Variants in SLF1 observed in about 807,000 individuals in gnomAD.
The protein encoded by SLF1 is SMC5-SMC6 complex localization factor protein 1.
SLF1 carries 105 observed loss-of-function variants against 123.0 expected under a neutral mutation model. The ratio of observed to expected loss-of-function variants is 0.85; its 90% confidence interval spans 0.73 to 1.00. The LOEUF is 1.00. Among genes scored for constraint, SLF1 ranks in the 50% least tolerant of loss-of-function variants. The pLI is 0.00. For missense variants in SLF1, 1,239 were observed against 1,223.0 expected (o/e 1.01, Z -0.20); for synonymous variants, 434 against 406.6 (o/e 1.07, Z -0.81).
intron 20 of SLF1, among the ~76,000 whole-genome samples, chr5:94,694,606 G>A (rs745732653): frequency 1.1e-4 from 16 of 151,548 alleles, no homozygotes; most frequent in Admixed American, 1.3e-4. Flanking sequence ...TTTATTTAAC[G>A]GAGGCATGCA....
chr5:94,630,345 C>G (rs1197451449), intron 3 of SLF1, among the ~76,000 whole-genome samples, 158 bp from the exon 4 acceptor site: 10 of 152,128 alleles, frequency 6.6e-5, no homozygotes. Flanking sequence ...CTCTTACTAT[C>G]AGAAAATTTC....
intron 16 of SLF1, 106 bp from the exon 17 acceptor site, chr5:94,688,400 G>T (rs1157930059): frequency 8.4e-7 from 1 of 1,192,578 alleles, no homozygotes; most frequent in African/African-American, 1.5e-5. Flanking sequence ...CCATAGTGAT[G>T]CAACCAAGAA....
intron 5 of SLF1, among the ~76,000 whole-genome samples, chr5:94,646,041 A>C (rs549441859): frequency 2.0e-5 from 3 of 152,180 alleles, no homozygotes; most frequent in Non-Finnish European, 1.5e-5. Context: ...ACTTGAGGCT[A>C]GGAGTTTGAG....
chr5:94,626,824 T>C (rs1047037860), intron 1 of SLF1, among the ~76,000 whole-genome samples: 1 of 152,158 alleles, frequency 6.6e-6, no homozygotes. Flanking sequence ...AATATGCAGA[T>C]ACACTGAGCA....
At chr5:94,660,747 G>A (rs775083016) in intron 9 of SLF1, among the ~76,000 whole-genome samples, 2 of 152,202 alleles carry the variant, frequency 1.3e-5, no homozygotes, top group African/African-American at 2.4e-5. Context: ...AGTGCATGAC[G>A]ACGCTGGTGC....
chr5:94,647,726 A>G lies in SLF1; in HGVS notation c.595-1728A>G, dbSNP rs138830345. Among the ~76,000 whole-genome samples the G allele has an allele frequency of 6.3e-4, 95 of 151,734 alleles. 1 individual carries two copies. In the East Asian group the frequency reaches 0.01, roughly 17 times the overall value. On this transcript the variant is annotated intron_variant, in intron 5 of 20. Coordinates refer to ENST00000265140, the MANE Select transcript of SLF1 (RefSeq NM_032290.4). ...GTTAAATAATTTCTCTATATTTCAT[A>G]AGAGTCACCAATTAGACAAAGTATT...
At chr5:94,620,114 A>G (rs1791590221) in intron 1 of SLF1, 1 of 152,300 alleles carries the variant, frequency 6.6e-6, no homozygotes, top group Admixed American at 6.5e-5. Context: ...TCCTGATCTC[A>G]AGTGTTCCGC....
chr5:94,684,578 G>A (rs1272201593), intron 15 of SLF1, among the ~76,000 whole-genome samples: 1 of 151,368 alleles, frequency 6.6e-6, no homozygotes, highest in Non-Finnish European at 1.5e-5. Context: ...AGCACCTCTA[G>A]TCCCAGCTAC....
chr5:94,685,589 G>A lies in SLF1; in HGVS notation c.1976-984G>A, dbSNP rs561671571. Among the ~76,000 whole-genome samples the A allele has an allele frequency of 2.6e-5, 4 of 152,076 alleles. No individual in the cohort carries two copies. The South Asian group carries it at 8.3e-4, about 32-fold the overall frequency. Reference sequence around the variant, plus strand: ...CTCCTTTATCACTTTGAATTCATGGGTATATTTATGCATTTTCTTCTTATT... The same window carrying A: ...CTCCTTTATCACTTTGAATTCATGGATATATTTATGCATTTTCTTCTTATT... On this transcript the variant is annotated intron_variant, in intron 15 of 20. Coordinates refer to ENST00000265140, the MANE Select transcript of SLF1 (RefSeq NM_032290.4).
intron 14 of SLF1, chr5:94,678,576 A>G (rs1751374246): frequency 6.2e-6 from 2 of 322,524 alleles, no homozygotes; most frequent in South Asian, 1.9e-4. Flanking sequence ...TAAACTGTTA[A>G]GTTGTAGGTC....
At position 94,663,872 on chromosome 5, in the gene SLF1, A is replaced by T. The variant is rs1465998220; in HGVS notation, c.1332A>T (p.Val444=). ...STLQAHYIPP[V]CVLHALLENV... The stretch of plus-strand genomic sequence containing the variant: ...TGCAGGCACATTATATCCCTCCTGT[A>T]TGCGTTCTTCATGCCCTTCTAGAGA... The change falls in exon 11 of 21, where the codon GTA becomes GTT. Residue 444 remains valine (V), a synonymous_variant. Transcript: ENST00000265140. The T allele has an allele frequency of 1.3e-6, 2 of 1,546,518 alleles. No homozygotes were observed. The highest frequency in any genetic ancestry group is 8.7e-7 in the Non-Finnish European group (1 of 1,145,516).
At chr5:94,655,272 G>A (rs556890496) in intron 9 of SLF1, among the ~76,000 whole-genome samples, 14 of 152,186 alleles carry the variant, frequency 9.2e-5, no homozygotes, top group Non-Finnish European at 1.9e-4. Context: ...TGGATTCTCT[G>A]TTCTTCACTG....
chr5:94,665,766 A>C, intron 11 of SLF1, 95 bp from the exon 12 acceptor site: 46 of 1,092,712 alleles, frequency 4.2e-5, no homozygotes, highest in Non-Finnish European at 5.8e-5. Context: ...AAAGAAAGTT[A>C]GGCCAGGGTT....
At chr5:94,662,042 A>C (rs1415269565) in intron 9 of SLF1, among the ~76,000 whole-genome samples, 1 of 152,108 alleles carries the variant, frequency 6.6e-6, no homozygotes, top group Admixed American at 6.5e-5. Flanking sequence ...AGGACAATGG[A>C]CCTCTTCAGA....
intron 1 of SLF1, among the ~76,000 whole-genome samples, chr5:94,620,628 C>A (rs1462066536): frequency 6.6e-6 from 1 of 152,118 alleles, no homozygotes; most frequent in African/African-American, 2.4e-5. Flanking sequence ...ATAAAAAATT[C>A]TGTGTTGGCT....
chr5:94,692,324 G>GAT, intron 20 of SLF1, 68 bp downstream of exon 20: 1 of 1,432,720 alleles, frequency 7.0e-7, no homozygotes. Flanking sequence ...TGCAGAGGTA[G>GAT]ATAGCATTTT....
At chr5:94,626,342 T>A (rs909367989) in intron 1 of SLF1, among the ~76,000 whole-genome samples, 1 of 152,186 alleles carries the variant, frequency 6.6e-6, no homozygotes. Flanking sequence ...TGATAGTGTT[T>A]CGTGTATATG....
intron 1 of SLF1, among the ~76,000 whole-genome samples, chr5:94,625,761 C>T (rs1657371799): frequency 6.6e-6 from 1 of 152,086 alleles, no homozygotes; most frequent in Admixed American, 6.5e-5. Context: ...AAGCATTTCT[C>T]CCTAGTTGTG....
At chr5:94,681,102 AG>A (rs1751709938) in intron 15 of SLF1, among the ~76,000 whole-genome samples, 1 of 152,214 alleles carries the variant, frequency 6.6e-6, no homozygotes, top group Non-Finnish European at 1.5e-5. Context: ...GGTTATAGCT[AG>A]GCAGTTTAAA....
Sources: allele counts gnomAD v4.1 joint callset (sites outside exome capture counted in the v4.1 genomes callset), GRCh38; gene constraint gnomAD v4.1.1; transcripts MANE v1.5; gene names NCBI Gene and HGNC (gene_info 2026-07-23, HGNC 2026-07-21).